The following FERMT1 variants were observed in gnomAD, a reference collection of about 807,000 sequenced individuals.
FERMT1 encodes the protein FERM domain containing kindlin 1.
Under a neutral mutation model 85.3 loss-of-function variants are expected in FERMT1, and 60 were observed. The observed-to-expected ratio is 0.70, with a 90% CI of 0.57 to 0.87. The LOEUF is 0.87. FERMT1 is among the 40% of genes least tolerant of loss of function. The pLI is 0.00. For synonymous variants in FERMT1, 275 were observed against 301.1 expected (o/e 0.91, Z 0.90); for missense variants, 701 against 818.9 (o/e 0.86, Z 1.76).
chr20:6,083,874 G>C (rs1268230818), intron 13 of FERMT1, among the ~76,000 whole-genome samples, 166 bp downstream of exon 13: 1 of 152,202 alleles, frequency 6.6e-6, no homozygotes, highest in Non-Finnish European at 1.5e-5. Flanking sequence ...CAGAAGGTAT[G>C]GAAAATGTTT....
chr20:6,084,997 ATCC>A (rs1363646395), intron 12 of FERMT1, 66 bp downstream of exon 12: 7 of 1,469,802 alleles, frequency 4.8e-6, no homozygotes, highest in African/African-American at 1.4e-5. Context: ...CCAGCCGGAA[ATCC>A]TCCTTTTATT....
intron 14 of FERMT1, among the ~76,000 whole-genome samples, chr20:6,077,578 T>G (rs1277486997): frequency 1.3e-5 from 2 of 152,180 alleles, no homozygotes; most frequent in African/African-American, 4.8e-5. Context: ...TTAAAAAAAC[T>G]CCCAACACAT....
intron 9 of FERMT1, among the ~76,000 whole-genome samples, chr20:6,094,434 T>C (rs1252154106): frequency 2.0e-5 from 3 of 152,246 alleles, no homozygotes; most frequent in South Asian, 2.1e-4. Flanking sequence ...AGGTGACTAC[T>C]CTCTGTAAGC....
At chr20:6,108,799 G>A (rs1982865344) in intron 5 of FERMT1, among the ~76,000 whole-genome samples, 1 of 147,238 alleles carries the variant, frequency 6.8e-6, no homozygotes, top group South Asian at 2.1e-4. Context: ...AGGCAACAGA[G>A]ACTCTGTCTC....
intron 13 of FERMT1, among the ~76,000 whole-genome samples, chr20:6,082,270 T>C (rs1982019315): frequency 6.6e-6 from 1 of 152,188 alleles, no homozygotes. Context: ...TCAGGCACTT[T>C]GCTTGCAGGC....
intron 13 of FERMT1, among the ~76,000 whole-genome samples, chr20:6,083,465 A>G (rs563341542): frequency 2.6e-4 from 39 of 152,200 alleles, no homozygotes; most frequent in Non-Finnish European, 4.9e-4. Context: ...GGACCTCTCT[A>G]AAAACCTAAC....
At chr20:6,096,358 C>A (rs1015878644) in intron 8 of FERMT1, among the ~76,000 whole-genome samples, 1 of 152,086 alleles carries the variant, frequency 6.6e-6, no homozygotes, top group Non-Finnish European at 1.5e-5. Flanking sequence ...AACCTTGTCT[C>A]TACAAAAAAT....
intron 6 of FERMT1, among the ~76,000 whole-genome samples, chr20:6,103,573 G>C (rs1279643465): frequency 6.6e-6 from 1 of 152,072 alleles, no homozygotes; most frequent in Non-Finnish European, 1.5e-5. Context: ...TGCCAAGATA[G>C]TATGTAACTT....
chr20:6,116,781 A>G (rs1468162377), intron 2 of FERMT1, among the ~76,000 whole-genome samples: 2 of 152,128 alleles, frequency 1.3e-5, no homozygotes, highest in Non-Finnish European at 2.9e-5. Flanking sequence ...ATTTACATTT[A>G]GATACCGTGG....
At chr20:6,087,989 G>T in intron 10 of FERMT1, 106 bp from the exon 11 acceptor site, 1 of 750,706 alleles carries the variant, frequency 1.3e-6, no homozygotes, top group South Asian at 1.4e-5. Flanking sequence ...CCTCAGATTT[G>T]CTTTGGTTTT....
intron 13 of FERMT1, 30 bp from the exon 14 acceptor site, chr20:6,079,607 AAG>A (rs756550278): frequency 6.3e-7 from 1 of 1,595,326 alleles, no homozygotes; most frequent in Non-Finnish European, 8.6e-7. Flanking sequence ...TAGTTAAGAG[AAG>A]CAACTGCTTC....
At chr20:6,095,467 T>C (rs1024507893) in intron 8 of FERMT1, among the ~76,000 whole-genome samples, 3 of 152,244 alleles carry the variant, frequency 2.0e-5, no homozygotes, top group Non-Finnish European at 4.4e-5. Context: ...AAAGATTTTA[T>C]AATTTTTATA....
intron 9 of FERMT1, among the ~76,000 whole-genome samples, chr20:6,089,655 A>C (rs1460274819): frequency 6.6e-6 from 1 of 152,236 alleles, no homozygotes; most frequent in Non-Finnish European, 1.5e-5. Flanking sequence ...TTCACCCTTA[A>C]GAGAAACTAT....
chr20:6,098,947 CT>C (rs1190319722), intron 6 of FERMT1, among the ~76,000 whole-genome samples: 3 of 152,200 alleles, frequency 2.0e-5, no homozygotes, highest in Admixed American at 6.5e-5. Context: ...AATCCTACTC[CT>C]AGCTGTACAC....
chr20:6,105,268 A>C (rs929865248), intron 6 of FERMT1, among the ~76,000 whole-genome samples: 2 of 152,314 alleles, frequency 1.3e-5, no homozygotes, highest in Admixed American at 1.3e-4. Flanking sequence ...TCCTTTCTGG[A>C]AAGAGTGGAA....
intron 9 of FERMT1, among the ~76,000 whole-genome samples, chr20:6,093,459 T>C (rs369151531): frequency 6.6e-6 from 1 of 152,240 alleles, no homozygotes; most frequent in African/African-American, 2.4e-5. Flanking sequence ...GAAACATCTA[T>C]AGGAAGGCTA....
chr20:6,077,816 G>T (rs1981872741), intron 14 of FERMT1, among the ~76,000 whole-genome samples: 1 of 152,066 alleles, frequency 6.6e-6, no homozygotes, highest in African/African-American at 2.4e-5. Flanking sequence ...AAGTAGTTGG[G>T]ATTACAGGTG....
In FERMT1 at chr20:6,110,536, T is replaced by C. The variant is rs11087718; in HGVS notation, c.533-25A>G. ...ACTGCAAGGCAGGGGGATCAAGAAC[T>C]ATGATATGAGAATCCAGGGATATAA... On this transcript the variant is annotated intron_variant, in intron 4 of 14. Transcript: ENST00000217289. 156,925 of 1,532,702 alleles carry C rather than the reference T, an allele frequency of 0.1. 9,631 individuals are homozygous for C. The highest frequency in any genetic ancestry group is 0.28 in the African/African-American group (20,496 of 73,298). The allele number at this position is 1,532,702 out of a possible 1,614,324, so 94.9% of individuals were successfully genotyped here.
chr20:6,112,589 C>G lies in FERMT1; in HGVS notation c.420G>C (p.Lys140Asn). The G allele has an allele frequency of 6.3e-7, 1 of 1,595,868 alleles. No individual in the cohort carries two copies. The highest frequency in any genetic ancestry group is 8.5e-7 in the Non-Finnish European group (1 of 1,170,428). The stretch of plus-strand genomic sequence containing the variant: ...TCTTCTTAAAATAGTCACCAGACGG[C>G]TTTAACAAGGAAAGCTCTTCTGATC... ...IRRSEELSLL[K>N]PSGDYFKKKK... The change falls in exon 4 of 15, where the codon AAG becomes AAC. Residue 140 changes from lysine (K) to asparagine (N), a missense_variant. Transcript: ENST00000217289.
Sources: allele counts gnomAD v4.1 joint callset (sites outside exome capture counted in the v4.1 genomes callset), GRCh38; gene constraint gnomAD v4.1.1; transcripts MANE v1.5; gene names NCBI Gene and HGNC (gene_info 2026-07-23, HGNC 2026-07-21).